PTPRM: variants seen among roughly 807,000 people sequenced by gnomAD.
PTPRM encodes the protein protein tyrosine phosphatase receptor type M, also known as receptor-type tyrosine-protein phosphatase mu.
In PTPRM, 47 loss-of-function variants were observed where a neutral mutation model predicts 186.7. The observed-to-expected ratio is 0.25, with a 90% CI of 0.20 to 0.32. The LOEUF is 0.32. Among genes scored for constraint, PTPRM ranks in the 10% least tolerant of loss-of-function variants. The pLI, the probability that PTPRM is intolerant of heterozygous loss-of-function variation, is 1.00. For missense variants in PTPRM, 1,494 were observed against 1,865.0 expected, an observed-to-expected ratio of 0.80 and a Z score of 3.66; for synonymous variants, 668 against 674.9, an observed-to-expected ratio of 0.99 and a Z score of 0.16.
intron 2 of PTPRM, among the ~76,000 whole-genome samples, chr18:7,806,776 T>C (rs114668225): frequency 0.011 from 1,628 of 152,316 alleles, 20 homozygotes; most frequent in African/African-American, 0.037. Flanking sequence ...GGTGAATTTA[T>C]AATCTTTGTT....
intron 11 of PTPRM, among the ~76,000 whole-genome samples, chr18:8,097,938 T>C (rs2091091750): frequency 6.6e-6 from 1 of 152,238 alleles, no homozygotes; most frequent in Non-Finnish European, 1.5e-5. Context: ...GCAGTGGTCC[T>C]GAAATATTAT....
chr18:8,023,876 A>T (rs945664161), intron 7 of PTPRM, among the ~76,000 whole-genome samples: 25 of 145,964 alleles, frequency 1.7e-4, no homozygotes, highest in African/African-American at 5.3e-4. Context: ...ACACACGCAC[A>T]CCCCTCCTAT....
intron 14 of PTPRM, among the ~76,000 whole-genome samples, chr18:8,217,252 T>C (rs1300401296): frequency 6.7e-6 from 1 of 150,000 alleles, no homozygotes; most frequent in Non-Finnish European, 1.5e-5. Context: ...CAGATTGAAG[T>C]TGGCAGTGAC....
At chr18:7,682,688 C>A (rs1468107404) in intron 1 of PTPRM, among the ~76,000 whole-genome samples, 2 of 152,174 alleles carry the variant, frequency 1.3e-5, no homozygotes, top group African/African-American at 2.4e-5. Flanking sequence ...TAAAATGTAG[C>A]TTAAAAATTA....
chr18:7,784,783 C>T (rs1262438017), intron 2 of PTPRM, among the ~76,000 whole-genome samples: 1 of 152,168 alleles, frequency 6.6e-6, no homozygotes, highest in African/African-American at 2.4e-5. Context: ...AGGTGCTGTT[C>T]CAGTCACCAG....
intron 1 of PTPRM, among the ~76,000 whole-genome samples, chr18:7,635,586 T>C (rs572418988): frequency 6.0e-4 from 91 of 152,188 alleles, no homozygotes; most frequent in African/African-American, 2.1e-3. Flanking sequence ...GATAATTTTG[T>C]ACATTGTAAA....
intron 2 of PTPRM, among the ~76,000 whole-genome samples, chr18:7,861,767 TGAGAGAGA>T (rs138096586): frequency 6.8e-6 from 1 of 148,110 alleles, no homozygotes; most frequent in Non-Finnish European, 1.5e-5. Flanking sequence ...TGTGTGTGTG[TGAGAGAGA>T]GAGAGAGAGA....
At chr18:7,857,568 G>T (rs2047154161) in intron 2 of PTPRM, among the ~76,000 whole-genome samples, 1 of 152,126 alleles carries the variant, frequency 6.6e-6, no homozygotes, top group South Asian at 2.1e-4. Flanking sequence ...GATTTCTGTG[G>T]CTCATGGGCC....
intron 20 of PTPRM, among the ~76,000 whole-genome samples, chr18:8,308,769 A>G (rs1191062149): frequency 2.0e-5 from 3 of 152,130 alleles, no homozygotes; most frequent in Admixed American, 6.5e-5. Flanking sequence ...TCTGTTATCC[A>G]GTATTGTACC....
chr18:7,673,212 C>T (rs943035700), intron 1 of PTPRM, among the ~76,000 whole-genome samples: 10 of 152,208 alleles, frequency 6.6e-5, no homozygotes, highest in Non-Finnish European at 1.3e-4. Flanking sequence ...CCTTCTAGTT[C>T]TGCCTGCCAC....
intron 1 of PTPRM, among the ~76,000 whole-genome samples, chr18:7,610,390 T>G (rs1019043451): frequency 2.0e-5 from 3 of 152,286 alleles, no homozygotes; most frequent in African/African-American, 7.2e-5. Flanking sequence ...TTTTCTAGTA[T>G]TAAGTCAGTG....
At chr18:8,323,116 A>G (rs1450106498) in intron 22 of PTPRM, among the ~76,000 whole-genome samples, 1 of 152,178 alleles carries the variant, frequency 6.6e-6, no homozygotes, top group East Asian at 1.9e-4. Flanking sequence ...GGCATGAGTC[A>G]TTGCACTCGG....
rs765897923 is a variant in PTPRM, at chr18:8,244,118, G to A, written c.2361G>A (p.Met787Ile). The A allele has an allele frequency of 5.6e-6, 9 of 1,610,114 alleles. No individual in the cohort carries two copies. The highest frequency in any genetic ancestry group is 7.6e-6 in the Non-Finnish European group (9 of 1,178,744). ...MSSTRQEMTV[M>I]VNSMDKSYAE... ...GCACCCGACAGGAGATGACTGTGATGGTGAACTCAATGGACAAGAGCTATG... is the reference window on the plus strand; with the variant it reads ...GCACCCGACAGGAGATGACTGTGATAGTGAACTCAATGGACAAGAGCTATG... Residue 787 changes from methionine to isoleucine, a missense_variant, in exon 15 of 33, where the codon ATG (methionine) becomes ATA (isoleucine). Around this residue, in one of 3 missense-constraint regions of PTPRM, gnomAD observed 1,107 missense variants for 1,350.2 expected, o/e 0.82. Transcript: ENST00000580170.
chr18:8,126,329 T>C (rs1377798289), intron 13 of PTPRM, among the ~76,000 whole-genome samples: 1 of 151,746 alleles, frequency 6.6e-6, no homozygotes, highest in South Asian at 2.1e-4. Context: ...TGTTACTTTA[T>C]GCAAGATTAC....
chr18:8,176,765 A>C (rs954558202), intron 14 of PTPRM, among the ~76,000 whole-genome samples: 1 of 152,228 alleles, frequency 6.6e-6, no homozygotes, highest in Admixed American at 6.5e-5. Flanking sequence ...AGTCAGGGAA[A>C]AAGATCAAGG....
intron 1 of PTPRM, among the ~76,000 whole-genome samples, chr18:7,707,966 C>G (rs1216461269): frequency 6.6e-6 from 1 of 152,210 alleles, no homozygotes; most frequent in Non-Finnish European, 1.5e-5. Flanking sequence ...TGTCTATTGA[C>G]TGTTTCTAAT....
intron 13 of PTPRM, among the ~76,000 whole-genome samples, chr18:8,131,329 T>C (rs764936583): frequency 6.6e-6 from 1 of 152,198 alleles, no homozygotes; most frequent in African/African-American, 2.4e-5. Flanking sequence ...TTACCTGTCT[T>C]TGGGATAAAA....
At chr18:7,656,151 C>T (rs560148689) in intron 1 of PTPRM, among the ~76,000 whole-genome samples, 15 of 152,120 alleles carry the variant, frequency 9.9e-5, no homozygotes, top group Non-Finnish European at 1.9e-4. Flanking sequence ...GCATTATACA[C>T]GATAGCCAAA....
chr18:7,653,885 A>T (rs767272759), intron 1 of PTPRM, among the ~76,000 whole-genome samples: 22 of 152,118 alleles, frequency 1.4e-4, no homozygotes, highest in Non-Finnish European at 2.6e-4. Context: ...TCTTTGAGGG[A>T]TCATCACAGT....
Sources: allele counts gnomAD v4.1 joint callset (sites outside exome capture counted in the v4.1 genomes callset), GRCh38; gene constraint gnomAD v4.1.1; regional missense constraint gnomAD v4.1.1; transcripts MANE v1.5; gene names NCBI Gene and HGNC (gene_info 2026-07-23, HGNC 2026-07-21).